Variants in KIAA1217 observed in about 807,000 individuals in gnomAD.
KIAA1217 encodes the protein KIAA1217, also known as sickle tail protein homolog.
A neutral mutation model predicts 163.9 loss-of-function variants in KIAA1217; 88 were observed. The observed-to-expected ratio is 0.54, with a 90% CI of 0.45 to 0.64. The LOEUF is 0.64. Among genes scored for constraint, KIAA1217 ranks in the 30% least tolerant of loss-of-function variants. The probability of loss-of-function intolerance (pLI) is 0.00; values close to 1 mark genes in which losing one functional copy is unlikely to be tolerated. For missense variants in KIAA1217, 2,372 were observed against 2,475.0 expected (o/e 0.96, Z 0.88); for synonymous variants, 903 against 923.1 (o/e 0.98, Z 0.39).
At chr10:23,900,599 T>G (rs543916408) in intron 1 of KIAA1217, among the ~76,000 whole-genome samples, 1 of 152,218 alleles carries the variant, frequency 6.6e-6, no homozygotes, top group African/African-American at 2.4e-5. Context: ...CAATATGCAC[T>G]CATATTATAG....
intron 2 of KIAA1217, 87 bp downstream of exon 2, chr10:24,219,996 A>G (rs2069357853): frequency 1.4e-6 from 2 of 1,387,150 alleles, no homozygotes; most frequent in East Asian, 2.3e-5. Flanking sequence ...GTAAAAGGTA[A>G]AGGATAGCTT....
At position 24,182,437 on chromosome 10, in the gene KIAA1217, A is replaced by ACCAC. The variant is rs755699331; in HGVS notation, c.-170-37189_-170-37188insCCAC. ...AACCTGGATGACAGAGCAAGACTCC[A>ACCAC]TCACACACACACACACACACACACA... is the stretch of plus-strand genomic sequence containing the variant. On this transcript the variant is annotated intron_variant, in intron 2 of 18. Transcript: ENST00000376462. Among the ~76,000 whole-genome samples, 338 of 108,660 alleles carry ACCAC rather than the reference A, an allele frequency of 3.1e-3. 1 individual carries two copies. Among genetic ancestry groups the ACCAC allele is most frequent in the Middle Eastern group, 0.014 (3 of 210 alleles). 71.3% of individuals were successfully genotyped at this position (108,660 alleles called of 152,430 possible).
intron 1 of KIAA1217, among the ~76,000 whole-genome samples, chr10:23,914,525 G>A (rs1294415178): frequency 2.0e-5 from 3 of 152,008 alleles, no homozygotes; most frequent in African/African-American, 7.2e-5. Flanking sequence ...GTGTTGTGCA[G>A]GCTGGTCTCA....
intron 2 of KIAA1217, among the ~76,000 whole-genome samples, chr10:24,223,711 C>A (rs911147561): frequency 1.6e-5 from 2 of 128,488 alleles, no homozygotes; most frequent in Admixed American, 8.0e-5. Context: ...AATCTAGGTT[C>A]TTTTTTTTTT....
chr10:24,245,307 G>C (rs186795505), intron 2 of KIAA1217, among the ~76,000 whole-genome samples: 2 of 152,306 alleles, frequency 1.3e-5, no homozygotes, highest in East Asian at 3.9e-4. Flanking sequence ...AGTCCTCGGA[G>C]CTGTGGTCTC....
chr10:23,897,752 G>A (rs988490394), intron 1 of KIAA1217, among the ~76,000 whole-genome samples: 5 of 151,610 alleles, frequency 3.3e-5, no homozygotes, highest in Non-Finnish European at 7.4e-5. Context: ...TTTCTTCACT[G>A]TTTCATATGG....
intron 2 of KIAA1217, among the ~76,000 whole-genome samples, chr10:24,233,661 C>G (rs1027480832): frequency 6.6e-6 from 1 of 152,076 alleles, no homozygotes; most frequent in African/African-American, 2.4e-5. Flanking sequence ...TTTTAAATTT[C>G]GCTTAAAGAT....
chr10:24,327,006 A>C (rs2133436381), intron 2 of KIAA1217, among the ~76,000 whole-genome samples: 1 of 152,252 alleles, frequency 6.6e-6, no homozygotes, highest in South Asian at 2.1e-4. Context: ...CCTTTTGTTT[A>C]ATTATTGCTT....
chr10:24,500,355 A>G (rs2133936609), intron 8 of KIAA1217, among the ~76,000 whole-genome samples: 1 of 144,312 alleles, frequency 6.9e-6, no homozygotes, highest in Middle Eastern at 3.5e-3. Flanking sequence ...GCGTGTCTTT[A>G]TTAGTAATAT....
At chr10:23,982,004 A>G (rs193089225) in intron 1 of KIAA1217, among the ~76,000 whole-genome samples, 217 of 152,004 alleles carry the variant, frequency 1.4e-3, no homozygotes, top group Non-Finnish European at 2.5e-3. Context: ...GGTAGAGAGC[A>G]AAAGGAACCT....
chr10:23,870,238 G>A lies in KIAA1217; in HGVS notation c.-320-136987G>A, dbSNP rs1840394044. ...CACATCCAGAGTGAAGCCACTGAGG[G>A]AATAGATGCTGACTATATCCAGAGG... On this transcript the variant is annotated intron_variant, in intron 1 of 18. Coordinates refer to the KIAA1217 transcript ENST00000376462. Among the ~76,000 whole-genome samples, 3 of 152,074 alleles carry A rather than the reference G, an allele frequency of 2.0e-5. No homozygotes were observed. In the South Asian group the frequency reaches 6.2e-4, roughly 32 times the overall value.
intron 9 of KIAA1217, among the ~76,000 whole-genome samples, chr10:24,502,240 C>CTTTTTTTTTTT (rs772404852): frequency 2.7e-3 from 214 of 80,600 alleles, no homozygotes; most frequent in East Asian, 4.1e-3. Context: ...GTCAGCCAAG[C>CTTTTTTTTTTT]TTTTTTTTTT....
In KIAA1217 at chr10:24,418,350, G is replaced by C. The variant is rs187987500; in HGVS notation, c.554-14645G>C. ...TTACCAGAGTGGAAAAGCTAATCAA[G>C]TTGATACTTCCCCAGTATCTTTCTC... On this transcript the variant is annotated intron_variant, in intron 3 of 20. Transcript: ENST00000376454. Among the ~76,000 whole-genome samples, 4 of 152,244 alleles carry C rather than the reference G, an allele frequency of 2.6e-5. No homozygotes were observed. In the East Asian group the frequency reaches 5.8e-4, roughly 22 times the overall value.
chr10:23,891,227 A>G (rs543523071), intron 1 of KIAA1217, among the ~76,000 whole-genome samples: 3 of 152,088 alleles, frequency 2.0e-5, no homozygotes, highest in Admixed American at 1.3e-4. Context: ...GTCTGTTTAC[A>G]CTTAATGTAC....
chr10:23,859,177 C>T (rs1839843819), intron 1 of KIAA1217, among the ~76,000 whole-genome samples: 1 of 152,080 alleles, frequency 6.6e-6, no homozygotes, highest in Non-Finnish European at 1.5e-5. Context: ...ACATGTGAAA[C>T]TTGTTACATT....
chr10:24,400,557 T>C (rs766359648), intron 3 of KIAA1217, among the ~76,000 whole-genome samples: 1 of 152,150 alleles, frequency 6.6e-6, no homozygotes, highest in Non-Finnish European at 1.5e-5. Context: ...CACAGATCCA[T>C]GCTTACCTCC....
chr10:24,113,125 G>A (rs1249548739), intron 2 of KIAA1217, among the ~76,000 whole-genome samples: 4 of 152,094 alleles, frequency 2.6e-5, no homozygotes, highest in Non-Finnish European at 2.9e-5. Context: ...TTGTGACAAC[G>A]TGTTACAGTA....
chr10:24,271,919 TAGCCCACTTAAAAGTGGCATAAA>T (rs1211588630), intron 2 of KIAA1217, among the ~76,000 whole-genome samples: 8 of 152,098 alleles, frequency 5.3e-5, no homozygotes. Context: ...CAAGATAAGA[TAGCCCACTTAAAAGTGGCATAAA>T]AGGCCACTTT....
At chr10:24,289,958 G>A (rs2132424742) in intron 2 of KIAA1217, among the ~76,000 whole-genome samples, 1 of 152,242 alleles carries the variant, frequency 6.6e-6, no homozygotes, top group South Asian at 2.1e-4. Flanking sequence ...GGGGATTGTG[G>A]GAGCCAACAG....
Sources: allele counts gnomAD v4.1 joint callset (sites outside exome capture counted in the v4.1 genomes callset), GRCh38; gene constraint gnomAD v4.1.1; transcripts MANE v1.5; gene names NCBI Gene and HGNC (gene_info 2026-07-23, HGNC 2026-07-21).